Variants in ZNF398 observed in about 807,000 individuals in gnomAD.
The protein encoded by ZNF398 is zinc finger DNA binding protein ZER6.
A neutral mutation model predicts 41.9 loss-of-function variants in ZNF398; 18 were observed. The ratio of observed to expected loss-of-function variants is 0.43; its 90% confidence interval spans 0.30 to 0.64. The LOEUF (loss-of-function observed/expected upper bound fraction) is 0.64. ZNF398 is among the 30% of genes least tolerant of loss of function. The probability of loss-of-function intolerance (pLI) is 0.14; values close to 1 mark genes in which losing one functional copy is unlikely to be tolerated. For synonymous variants in ZNF398, 260 were observed against 308.8 expected (o/e 0.84, Z 1.66); for missense variants, 669 against 822.8 (o/e 0.81, Z 2.29).
upstream of ZNF398, among the ~76,000 whole-genome samples, chr7:149,144,814 C>G (rs1826900025): frequency 1.3e-5 from 2 of 152,062 alleles, no homozygotes; most frequent in African/African-American, 4.8e-5. Flanking sequence ...GTCTCCAACT[C>G]CTGACCTTAG....
At chr7:149,168,852 G>A (rs1206019320) in intron 4 of ZNF398, among the ~76,000 whole-genome samples, 2 of 152,126 alleles carry the variant, frequency 1.3e-5, no homozygotes, top group Middle Eastern at 3.2e-3. Flanking sequence ...ACCACGCCCG[G>A]CCATATTATT....
At chr7:149,133,678 T>TATATATATATATATATATAC (rs1483673161) in intron 2 of ZNF398, among the ~76,000 whole-genome samples, 3 of 67,012 alleles carry the variant, frequency 4.5e-5, no homozygotes, top group South Asian at 6.3e-4. Context: ...TATATATATA[T>TATATATATATATATATATAC]ACATATATAT....
At chr7:149,144,711 C>T (rs1826897343), upstream of ZNF398, among the ~76,000 whole-genome samples, 1 of 152,100 alleles carries the variant, frequency 6.6e-6, no homozygotes, top group African/African-American at 2.4e-5. Flanking sequence ...ACCTCAGCCT[C>T]CTGAGTAGCT....
chr7:149,139,789 A>C (rs1001204803), intron 2 of ZNF398, among the ~76,000 whole-genome samples: 3 of 151,576 alleles, frequency 2.0e-5, no homozygotes, highest in Non-Finnish European at 4.4e-5. Flanking sequence ...AGGGATCACG[A>C]GGTCAGGAGA....
At chr7:149,152,712 T>C (rs1794877574) in intron 1 of ZNF398, among the ~76,000 whole-genome samples, 2 of 152,054 alleles carry the variant, frequency 1.3e-5, no homozygotes, top group South Asian at 4.2e-4. Flanking sequence ...ATTACAGGCA[T>C]CTGCCACGAT....
In ZNF398 at chr7:149,154,348, C is replaced by T; in HGVS notation, c.420+8C>T. 1 of 1,593,674 alleles carries T rather than the reference C, an allele frequency of 6.3e-7. No homozygotes were observed. Among genetic ancestry groups the T allele is most frequent in the Non-Finnish European group, 8.6e-7 (1 of 1,168,728 alleles). On this transcript the variant is annotated splice_region_variant and intron_variant, in intron 2 of 5. Coordinates refer to ENST00000475153, the MANE Select transcript of ZNF398 (RefSeq NM_170686.3). ...AAGGGAGATATCCCAAAGGTAATAC[C>T]TTCATTTCTAGATGTAAAGTGGTAC... is the stretch of plus-strand genomic sequence containing the variant.
chr7:149,147,490 T>C lies in ZNF398; in HGVS notation c.-253T>C, dbSNP rs1189536335. On this transcript the variant is annotated 5_prime_UTR_variant, in exon 1 of 6. Transcript: ENST00000475153. This position sits in a 1 kb window ranked among gnomAD's most constrained non-coding sequence, Gnocchi z 5.6. ...CACAAAGCGCCAGCTGAGGGGCCGC[T>C]GCGGGTGGAGTGCGGCGGAGTCGGC... is the stretch of plus-strand genomic sequence containing the variant. The C allele has an allele frequency of 1.7e-5, 5 of 301,640 alleles. No homozygotes were observed. The highest frequency in any genetic ancestry group is 1.1e-4 in the African/African-American group (5 of 45,058). The allele number at this position is 301,640 out of a possible 1,614,324, so 18.7% of individuals were successfully genotyped here. A position where few individuals can be genotyped will look rare whatever the true frequency, so the allele number is the denominator to read the frequency against.
rs1481835167 is a variant in ZNF398 at position 149,176,083 on chromosome 7, A to G, written c.662-385A>G. On this transcript the variant is annotated intron_variant, in intron 4 of 5. Transcript: ENST00000475153. ...CGCGGTGGCTCAAGCCTGTAATCCC[A>G]GCACTTTGGGAGGCCAAGGTGGGCG... Among the ~76,000 whole-genome samples the G allele has an allele frequency of 5.9e-5, 9 of 152,314 alleles. No individual in the cohort carries two copies. The East Asian group carries it at 1.7e-3, about 29-fold the overall frequency.
intron 4 of ZNF398, among the ~76,000 whole-genome samples, chr7:149,173,332 C>T (rs1795391040): frequency 1.3e-5 from 2 of 151,886 alleles, no homozygotes; most frequent in South Asian, 4.1e-4. Context: ...ATCTCGAACT[C>T]CCGACCTCAG....
chr7:149,166,299 A>C lies in ZNF398; in HGVS notation c.547+15A>C. ...CATCTCCATGGGTGAGGCTGAGTTG[A>C]CACCTTTTGAATGAAGTGACAGCAG... On this transcript the variant is annotated intron_variant, in intron 3 of 5. Transcript: ENST00000475153. 1 of 1,601,142 alleles carries C rather than the reference A, an allele frequency of 6.2e-7. No individual in the cohort carries two copies. The highest frequency in any genetic ancestry group is 8.5e-7 in the Non-Finnish European group (1 of 1,174,984).
chr7:149,142,589 G>C (rs535578348), upstream of ZNF398, among the ~76,000 whole-genome samples: 114 of 152,260 alleles, frequency 7.5e-4, no homozygotes, highest in African/African-American at 2.4e-3. Flanking sequence ...ATGGCGTGAA[G>C]CCTGGAGGCG....
chr7:149,156,584 C>T (rs539463326), intron 2 of ZNF398, among the ~76,000 whole-genome samples: 104 of 148,268 alleles, frequency 7.0e-4, no homozygotes, highest in African/African-American at 2.2e-3. Flanking sequence ...GTAGGCCAGG[C>T]GCAGTGGCTC....
upstream of ZNF398, among the ~76,000 whole-genome samples, chr7:149,143,022 G>A (rs1826860469): frequency 1.3e-5 from 2 of 151,986 alleles, no homozygotes; most frequent in Middle Eastern, 3.4e-3. Flanking sequence ...GCATGATCTC[G>A]GCTCCCTGCA....
chr7:149,143,486 G>C (rs893254528), upstream of ZNF398, among the ~76,000 whole-genome samples: 4 of 152,210 alleles, frequency 2.6e-5, no homozygotes, highest in African/African-American at 9.6e-5. Context: ...GGAAAGTCAA[G>C]ATGCAGATGG....
At chr7:149,158,561 G>A (rs1283121025) in intron 2 of ZNF398, among the ~76,000 whole-genome samples, 4 of 152,044 alleles carry the variant, frequency 2.6e-5, no homozygotes, top group South Asian at 2.1e-4. Flanking sequence ...ATGGCCTGGC[G>A]TGGTATCTCA....
At chr7:149,139,161 C>T (rs1342305936) in intron 2 of ZNF398, among the ~76,000 whole-genome samples, 4 of 152,164 alleles carry the variant, frequency 2.6e-5, no homozygotes, top group Non-Finnish European at 4.4e-5. Context: ...CCGCCCACCT[C>T]GGCCTCCTAA....
At position 149,179,177 on chromosome 7, in the gene ZNF398, C is replaced by T; in HGVS notation, c.1305C>T (p.Arg435=). The stretch of plus-strand genomic sequence containing the variant: ...TCCCCTGTCCTGATTGCCCCAAGCG[C>T]TTTGCTGACCAGGCTCGACTCACCA... ...RPFPCPDCPK[R]FADQARLTSH... The change falls in exon 6 of 6, where the codon CGC becomes CGT. Residue 435 remains arginine, a synonymous_variant. Transcript: ENST00000475153. The surrounding 1 kb of genome is among the most constrained non-coding windows in gnomAD (Gnocchi z 6.1). 6.2e-7 allele frequency: 1 copy of T among 1,613,794 alleles called. No homozygotes were observed. The highest frequency in any genetic ancestry group is 1.1e-5 in the South Asian group (1 of 91,074).
intron 1 of ZNF398, among the ~76,000 whole-genome samples, chr7:149,151,796 T>C (rs1474855649): frequency 1.3e-5 from 2 of 151,272 alleles, no homozygotes; most frequent in Non-Finnish European, 3.0e-5. Flanking sequence ...TTTTTCTTTT[T>C]TTTTTTTTGA....
chr7:149,144,740 G>C (rs193242478), upstream of ZNF398, among the ~76,000 whole-genome samples: 114 of 151,756 alleles, frequency 7.5e-4, no homozygotes, highest in African/African-American at 2.4e-3. Flanking sequence ...AGGCACCCAC[G>C]ACCACGCCCG....
Sources: gnomAD v4.1 joint callset for allele counts (sites outside exome capture counted in the v4.1 genomes callset) on GRCh38, gnomAD v4.1.1 for gene constraint, Gnocchi (gnomAD v3.1) non-coding constraint, MANE v1.5 for transcripts, NCBI Gene and HGNC (gene_info 2026-07-23, HGNC 2026-07-21) for gene names.